Variants in NFIC observed in about 807,000 individuals in gnomAD.
NFIC encodes nuclear factor I C, also known as nuclear factor 1 C-type.
In NFIC, 12 loss-of-function variants were observed where a neutral mutation model predicts 54.4. The ratio of observed to expected loss-of-function variants is 0.22; its 90% CI spans 0.14 to 0.36. The LOEUF is 0.36. NFIC is among the 10% of genes least tolerant of loss of function. NFIC has a pLI of 1.00. For synonymous variants in NFIC, 322 were observed against 319.2 expected (o/e 1.01, Z -0.09); for missense variants, 575 against 718.2 (o/e 0.80, Z 2.28).
intron 6 of NFIC, among the ~76,000 whole-genome samples, chr19:3,447,414 T>G (rs2082389616): frequency 1.3e-5 from 2 of 152,008 alleles, no homozygotes; most frequent in Admixed American, 1.3e-4. Context: ...TGGGGCTCTG[T>G]GTTCCCACTT....
At chr19:3,360,969 C>T (rs1403983571) in intron 1 of NFIC, among the ~76,000 whole-genome samples, 1 of 152,196 alleles carries the variant, frequency 6.6e-6, no homozygotes, top group Non-Finnish European at 1.5e-5. Context: ...CCTTCCACTC[C>T]CGGCCTCGCC....
At chr19:3,434,514 C>T in intron 5 of NFIC, 114 bp downstream of exon 5, 3 of 1,422,928 alleles carry the variant, frequency 2.1e-6, no homozygotes, top group Admixed American at 4.9e-5. Context: ...CACGATTCAC[C>T]TGGCCTGAGA....
Position 3,381,847 on chromosome 19 carries a change from G to A in NFIC, c.166G>A (p.Ala56Thr), listed in dbSNP as rs2081215381. Residue 56 changes from alanine (A) to threonine (T), a missense_variant, in exon 2 of 11, where the codon GCG becomes ACG. This residue lies in a region of NFIC where 122 missense variants were observed against 158.0 expected (regional missense o/e 0.77). Coordinates refer to ENST00000443272, the MANE Select transcript of NFIC (RefSeq NM_001245002.2). ...GCGGATGTCGAAGGACGAGGAGCGT[G>A]CGGTCAAGGACGAGCTGCTGGGCGA... ...EKRMSKDEER[A>T]VKDELLGEKP... The A allele has an allele frequency of 6.2e-7, 1 of 1,614,012 alleles. No homozygotes were observed. The highest frequency in any genetic ancestry group is 2.2e-5 in the East Asian group (1 of 44,870).
At chr19:3,363,868 G>A (rs772474020), upstream of NFIC, among the ~76,000 whole-genome samples, 4 of 152,212 alleles carry the variant, frequency 2.6e-5, no homozygotes, top group Non-Finnish European at 4.4e-5. Flanking sequence ...CCAACCCAGA[G>A]AGCGATCCAG....
chr19:3,420,849 A>G (rs2081943280), intron 2 of NFIC, among the ~76,000 whole-genome samples: 1 of 152,026 alleles, frequency 6.6e-6, no homozygotes, highest in African/African-American at 2.4e-5. Flanking sequence ...CAGCCTCCCA[A>G]GTAGCTGGGA....
At chr19:3,448,976 G>T in intron 6 of NFIC, 38 bp from the exon 7 acceptor site, 2 of 1,592,554 alleles carry the variant, frequency 1.3e-6, no homozygotes, top group Non-Finnish European at 1.7e-6. Flanking sequence ...CATGGGGTGT[G>T]ACCAGCCTGT....
At chr19:3,372,043 C>CTCTCTCTCTCTCT (rs2081029946) in intron 1 of NFIC, among the ~76,000 whole-genome samples, 1 of 135,802 alleles carries the variant, frequency 7.4e-6, no homozygotes, top group Non-Finnish European at 1.6e-5. Flanking sequence ...CTCTCTCTCT[C>CTCTCTCTCTCTCT]GGAGTCTTGC....
intron 3 of NFIC, among the ~76,000 whole-genome samples, chr19:3,429,713 G>A (rs1236672207): frequency 6.6e-6 from 1 of 152,114 alleles, no homozygotes; most frequent in African/African-American, 2.4e-5. Flanking sequence ...TGCTCCCACC[G>A]CCACCCAAAA....
At chr19:3,455,624 G>A (rs887219944) in intron 9 of NFIC, among the ~76,000 whole-genome samples, 11 of 147,710 alleles carry the variant, frequency 7.4e-5, no homozygotes, top group Non-Finnish European at 1.3e-4. Flanking sequence ...CTCAGGGCTC[G>A]ATGAGATTAT....
chr19:3,398,661 G>A lies in NFIC; in HGVS notation c.562+16418G>A, dbSNP rs200471767. Among the ~76,000 whole-genome samples, 781 of 152,212 alleles carry A rather than the reference G, an allele frequency of 5.1e-3. 10 individuals carry two copies. Among genetic ancestry groups the A allele is most frequent in the African/African-American group, 0.018 (750 of 41,536 alleles). ...CCGGGCTGTACCCTGTGACAGCTCC[G>A]GGTGGCTACGACGCTCCCGTGCTCC... On this transcript the variant is annotated intron_variant, in intron 2 of 10. Coordinates refer to ENST00000443272, the MANE Select transcript of NFIC (RefSeq NM_001245002.2).
chr19:3,382,219 C>T lies in NFIC; in HGVS notation c.538C>T (p.Leu180=), dbSNP rs771984723. 6 of 1,605,888 alleles carry T rather than the reference C, an allele frequency of 3.7e-6. No homozygotes were observed. In the African/African-American group the frequency reaches 4.0e-5, roughly 11 times the overall value. The change falls in exon 2 of 11, where the codon CTG becomes TTG. Residue 180 remains leucine (L), a synonymous_variant. Coordinates refer to ENST00000443272, the MANE Select transcript of NFIC (RefSeq NM_001245002.2). ...GVAVKELDLY[L]AYFVRERDAE... ...GGCCGTCAAGGAGCTGGACCTCTAC[C>T]TGGCCTACTTCGTGCGTGAGCGAGG...
At chr19:3,404,413 GA>G (rs2145548270) in intron 2 of NFIC, among the ~76,000 whole-genome samples, 1 of 152,280 alleles carries the variant, frequency 6.6e-6, no homozygotes, top group East Asian at 1.9e-4. Context: ...AGATAATGGG[GA>G]GGGGGCGCGG....
intron 2 of NFIC, among the ~76,000 whole-genome samples, chr19:3,404,087 A>G (rs1010573623): frequency 2.9e-4 from 43 of 146,844 alleles, no homozygotes; most frequent in African/African-American, 1.1e-3. Flanking sequence ...GTGTGCGTTC[A>G]GCCCGTGGGC....
chr19:3,401,694 A>G lies in NFIC; in HGVS notation c.562+19451A>G, dbSNP rs2081558037. ...CCAGGGTCCCAGCCCTAACCCAGGT[A>G]CGCCACCCACATGGCAGGGTTATTC... On this transcript the variant is annotated intron_variant, in intron 2 of 10. Coordinates refer to ENST00000443272, the MANE Select transcript of NFIC (RefSeq NM_001245002.2). 4.0e-5 allele frequency among the ~76,000 whole-genome samples: 6 copies of G among 151,248 alleles called. No homozygotes were observed. In the South Asian group the frequency reaches 1.3e-3, roughly 32 times the overall value.
chr19:3,441,010 TC>T (rs1339105719), intron 6 of NFIC, among the ~76,000 whole-genome samples: 1 of 152,096 alleles, frequency 6.6e-6, no homozygotes, highest in African/African-American at 2.4e-5. Flanking sequence ...GAGACAGAGT[TC>T]CCTGTGTTGC....
chr19:3,417,217 G>A (rs914267279), intron 2 of NFIC, among the ~76,000 whole-genome samples: 1 of 152,154 alleles, frequency 6.6e-6, no homozygotes, highest in Non-Finnish European at 1.5e-5. Flanking sequence ...CTAGGCAGGA[G>A]GGTCACTTGA....
At chr19:3,389,754 G>C (rs1214070000) in intron 2 of NFIC, among the ~76,000 whole-genome samples, 1 of 152,074 alleles carries the variant, frequency 6.6e-6, no homozygotes, top group African/African-American at 2.4e-5. Flanking sequence ...AGGCCCAGGC[G>C]GGTGGATCAC....
At chr19:3,365,918 G>C (rs1051315907), upstream of NFIC, among the ~76,000 whole-genome samples, 2 of 152,208 alleles carry the variant, frequency 1.3e-5, no homozygotes, top group African/African-American at 4.8e-5. Context: ...GCCTGGCTCT[G>C]GGGGGAGAAG....
At chr19:3,430,847 G>A (rs1342178694) in intron 3 of NFIC, among the ~76,000 whole-genome samples, 3 of 150,834 alleles carry the variant, frequency 2.0e-5, no homozygotes, top group East Asian at 2.0e-4. Flanking sequence ...CAGGAGAATC[G>A]CTTGAACCTG....
Sources: allele counts gnomAD v4.1 joint callset (sites outside exome capture counted in the v4.1 genomes callset), GRCh38; gene constraint gnomAD v4.1.1; regional missense constraint gnomAD v4.1.1; transcripts MANE v1.5; gene names NCBI Gene and HGNC (gene_info 2026-07-23, HGNC 2026-07-21).